The following NAALADL2 variants were observed in gnomAD, a reference collection of about 807,000 sequenced individuals.
The protein encoded by NAALADL2 is inactive N-acetylated-alpha-linked acidic dipeptidase-like protein 2.
NAALADL2 carries 76 observed loss-of-function variants against 87.2 expected under a neutral mutation model. That is an observed-to-expected ratio of 0.87 (90% confidence interval 0.72 to 1.05). The LOEUF is 1.05. Among genes scored for constraint, NAALADL2 ranks in the 50% least tolerant of loss-of-function variants. The probability of loss-of-function intolerance (pLI) is 0.00; values close to 1 mark genes in which losing one functional copy is unlikely to be tolerated. For synonymous variants in NAALADL2, 354 were observed against 331.0 expected, an observed-to-expected ratio of 1.07 and a Z score of -0.75; for missense variants, 1,089 against 945.8, an observed-to-expected ratio of 1.15 and a Z score of -1.99.
At chr3:174,840,856 A>G (rs780293200) in intron 3 of NAALADL2, among the ~76,000 whole-genome samples, 2 of 152,148 alleles carry the variant, frequency 1.3e-5, no homozygotes, top group Non-Finnish European at 2.9e-5. Context: ...AAGGCTGGAT[A>G]CTTTAATCCT....
chr3:174,496,502 T>A (rs553990773), intron 1 of NAALADL2, among the ~76,000 whole-genome samples: 1 of 97,898 alleles, frequency 1.0e-5, no homozygotes, highest in Admixed American at 1.3e-4. Context: ...TATGTATATA[T>A]TTATATATTA....
At chr3:175,802,709 G>T (rs1754327007) in intron 13 of NAALADL2, among the ~76,000 whole-genome samples, 1 of 147,382 alleles carries the variant, frequency 6.8e-6, no homozygotes, top group South Asian at 2.1e-4. Flanking sequence ...ATCAGATTCA[G>T]ATACAATTTT....
At chr3:175,181,178 A>G (rs1333656968) in intron 2 of NAALADL2, among the ~76,000 whole-genome samples, 1 of 152,070 alleles carries the variant, frequency 6.6e-6, no homozygotes, top group East Asian at 1.9e-4. Context: ...ATCTAGATCT[A>G]TTTATCCTAG....
chr3:175,487,855 C>T (rs1416359823), intron 9 of NAALADL2, among the ~76,000 whole-genome samples: 1 of 152,156 alleles, frequency 6.6e-6, no homozygotes, highest in Non-Finnish European at 1.5e-5. Flanking sequence ...AGGATGTCTG[C>T]CATTCCCAGG....
chr3:174,758,304 T>C (rs768214872), intron 3 of NAALADL2, among the ~76,000 whole-genome samples: 29 of 152,236 alleles, frequency 1.9e-4, no homozygotes, highest in Non-Finnish European at 4.1e-4. Flanking sequence ...GGAGGTCAGA[T>C]GTTTGGAACC....
intron 2 of NAALADL2, chr3:175,124,693 G>T (rs543463863): frequency 6.6e-6 from 1 of 151,992 alleles, no homozygotes; most frequent in Admixed American, 6.6e-5. Flanking sequence ...ATTAGTAGGG[G>T]ATTAAGAAAA....
chr3:175,439,152 C>G (rs1195348488), intron 5 of NAALADL2, among the ~76,000 whole-genome samples: 1 of 152,128 alleles, frequency 6.6e-6, no homozygotes, highest in African/African-American at 2.4e-5. Context: ...ATCTCCAATT[C>G]CATCCCGGTT....
At chr3:175,723,725 A>T (rs1473938442) in intron 11 of NAALADL2, among the ~76,000 whole-genome samples, 1 of 152,142 alleles carries the variant, frequency 6.6e-6, no homozygotes, top group Non-Finnish European at 1.5e-5. Context: ...GATCCCTTGC[A>T]ACATAATCAT....
At chr3:174,970,883 A>AC (rs1743535234) in intron 1 of NAALADL2, among the ~76,000 whole-genome samples, 1 of 152,184 alleles carries the variant, frequency 6.6e-6, no homozygotes, top group African/African-American at 2.4e-5. Context: ...TATCAGCACA[A>AC]CACATAAGAA....
chr3:175,234,344 G>C (rs1745472883), intron 3 of NAALADL2, 140 bp downstream of exon 3: 2 of 914,980 alleles, frequency 2.2e-6, no homozygotes, highest in African/African-American at 3.4e-5. Context: ...TGCCAGGAAA[G>C]AGAAGGAAGA....
In NAALADL2 at chr3:174,933,475, C is replaced by T. The variant is rs78723068; in HGVS notation, c.43+74025C>T. Among the ~76,000 whole-genome samples, 69 of 152,256 alleles carry T rather than the reference C, an allele frequency of 4.5e-4. No individual in the cohort carries two copies. The East Asian group carries it at 0.013, about 29-fold the overall frequency. On this transcript the variant is annotated intron_variant, in intron 1 of 13. Coordinates refer to ENST00000454872, the MANE Select transcript of NAALADL2 (RefSeq NM_207015.3). ...GTTTTTAAAGGATGAATTACGTTGC[C>T]TCATTATAGGTTCTGACACTTAGTT...
At chr3:175,031,354 A>G (rs1301136826) in intron 1 of NAALADL2, among the ~76,000 whole-genome samples, 1 of 151,988 alleles carries the variant, frequency 6.6e-6, no homozygotes, top group Non-Finnish European at 1.5e-5. Flanking sequence ...TTTAGCTCCT[A>G]CTTATAAGTG....
intron 9 of NAALADL2, among the ~76,000 whole-genome samples, chr3:175,560,439 T>G (rs1374583814): frequency 6.6e-6 from 1 of 152,196 alleles, no homozygotes; most frequent in Admixed American, 6.5e-5. Context: ...AATTTTGTTT[T>G]CAATATTGTT....
Position 174,895,774 on chromosome 3 carries a change from A to G in NAALADL2, c.43+36324A>G, listed in dbSNP as rs369696533. Among the ~76,000 whole-genome samples the G allele has an allele frequency of 8.5e-5, 13 of 152,294 alleles. No individual in the cohort carries two copies. The East Asian group carries it at 1.4e-3, about 16-fold the overall frequency. On this transcript the variant is annotated intron_variant, in intron 1 of 13. Coordinates refer to ENST00000454872, the MANE Select transcript of NAALADL2 (RefSeq NM_207015.3). The stretch of plus-strand genomic sequence containing the variant: ...AAACAACTGCAGGCCAATAACTCTG[A>G]TAAATATTGAATAAAAAATCCTCAA...
chr3:175,116,703 T>C (rs1725240596), intron 2 of NAALADL2, among the ~76,000 whole-genome samples: 1 of 151,820 alleles, frequency 6.6e-6, no homozygotes, highest in South Asian at 2.1e-4. Context: ...AAGCTACCAA[T>C]GACTTTCTTC....
At chr3:175,263,749 G>A (rs1293083467) in intron 4 of NAALADL2, among the ~76,000 whole-genome samples, 1 of 151,690 alleles carries the variant, frequency 6.6e-6, no homozygotes, top group African/African-American at 2.4e-5. Flanking sequence ...ATGGAGAGAT[G>A]AAGAAAAGAA....
At chr3:174,882,683 G>A (rs1187919420) in intron 1 of NAALADL2, among the ~76,000 whole-genome samples, 1 of 128,452 alleles carries the variant, frequency 7.8e-6, no homozygotes, top group Non-Finnish European at 1.6e-5. Context: ...ATGTGTATAT[G>A]TGTATCCGTG....
At chr3:175,452,573 G>T (rs892728415) in intron 6 of NAALADL2, among the ~76,000 whole-genome samples, 1 of 152,054 alleles carries the variant, frequency 6.6e-6, no homozygotes, top group Non-Finnish European at 1.5e-5. Flanking sequence ...ATATAGATAT[G>T]ATGGCTGTTC....
chr3:175,697,740 C>T (rs1468410953), intron 11 of NAALADL2, among the ~76,000 whole-genome samples: 1 of 147,472 alleles, frequency 6.8e-6, no homozygotes, highest in Admixed American at 6.8e-5. Flanking sequence ...TATATATTTA[C>T]ATACACACAC....
Sources: allele counts gnomAD v4.1 joint callset (sites outside exome capture counted in the v4.1 genomes callset), GRCh38; gene constraint gnomAD v4.1.1; transcripts MANE v1.5; gene names NCBI Gene and HGNC (gene_info 2026-07-23, HGNC 2026-07-21).